Variants in SIAH3 observed in about 807,000 individuals in gnomAD.
SIAH3 encodes the protein seven in absentia homolog 3.
SIAH3 carries 9 observed loss-of-function variants against 12.6 expected under a neutral mutation model. The observed-to-expected ratio is 0.72, with a 90% CI of 0.43 to 1.25. SIAH3 has a LOEUF of 1.25. Ranked by LOEUF, SIAH3 falls within the 50% of genes most tolerant of loss-of-function variation. The probability of loss-of-function intolerance (pLI) is 0.00; values close to 1 mark genes in which losing one functional copy is unlikely to be tolerated. For missense variants in SIAH3, 390 were observed against 365.4 expected (o/e 1.07, Z -0.55); for synonymous variants, 154 against 151.1 (o/e 1.02, Z -0.14).
At chr13:45,788,859 C>T (rs1950536187) in intron 1 of SIAH3, among the ~76,000 whole-genome samples, 1 of 152,214 alleles carries the variant, frequency 6.6e-6, no homozygotes, top group African/African-American at 2.4e-5. Context: ...CTCATGCCCT[C>T]ATTTGTGAAT....
chr13:45,800,099 T>C (rs1157638928), intron 1 of SIAH3, among the ~76,000 whole-genome samples: 1 of 152,214 alleles, frequency 6.6e-6, no homozygotes, highest in Non-Finnish European at 1.5e-5. Context: ...CTGCATAGTA[T>C]AAAGAAAAGA....
At position 45,851,663 on chromosome 13, in the gene SIAH3, C is replaced by G. The variant is rs1305347896; in HGVS notation, c.-34G>C. 6.2e-7 allele frequency: 1 copy of G among 1,613,580 alleles called. No homozygotes were observed. Among genetic ancestry groups the G allele is most frequent in the Admixed American group, 1.7e-5 (1 of 60,024 alleles). On this transcript the variant is annotated 5_prime_UTR_variant, in exon 1 of 2. Transcript: ENST00000400405. Reference sequence around the variant, plus strand: ...TTGGGGGGTTGTTGGTCCGGGAAGGCAGCGGAGGAAGCTGTGAGTCCTTGG... The same window carrying G: ...TTGGGGGGTTGTTGGTCCGGGAAGGGAGCGGAGGAAGCTGTGAGTCCTTGG...
At chr13:45,801,327 G>T (rs765800682) in intron 1 of SIAH3, among the ~76,000 whole-genome samples, 8 of 152,160 alleles carry the variant, frequency 5.3e-5, no homozygotes, top group Non-Finnish European at 7.3e-5. Context: ...GATGAGAGGT[G>T]AGCACTCCTG....
chr13:45,783,550 C>T lies in SIAH3; in HGVS notation c.643G>A (p.Glu215Lys). 1.2e-6 allele frequency: 2 copies of T among 1,614,214 alleles called. No individual in the cohort carries two copies. Among genetic ancestry groups the T allele is most frequent in the Non-Finnish European group, 1.7e-6 (2 of 1,180,040 alleles). Reference protein sequence around the residue: ...LNRNHRRLKWEATPRSVLECV... With the variant: ...LNRNHRRLKWKATPRSVLECV... ...TCAAGAACAGACCGGGGCGTGGCCT[C>T]CCACTTGAGGCGCCGATGGTTTCTG... The change falls in exon 2 of 2, where the codon GAG (glutamate) becomes AAG (lysine). Residue 215 changes from glutamate to lysine, a missense_variant. Glu to Lys is a moderately conservative substitution (Grantham distance 56). Transcript: ENST00000400405.
chr13:45,841,446 T>C (rs1303152432), intron 1 of SIAH3, among the ~76,000 whole-genome samples: 1 of 152,190 alleles, frequency 6.6e-6, no homozygotes, highest in African/African-American at 2.4e-5. Flanking sequence ...CCGTTTCCTT[T>C]CTCAGGCTAC....
At chr13:45,784,179 C>T in intron 1 of SIAH3, 122 bp from the exon 2 acceptor site, 2 of 934,620 alleles carry the variant, frequency 2.1e-6, no homozygotes, top group Non-Finnish European at 3.2e-6. Flanking sequence ...AGGTTCATTT[C>T]TTAAACAACA....
chr13:45,843,032 C>CTGTGTGTGTGTGTGAGTGTGTGTG (rs746384493), intron 1 of SIAH3, among the ~76,000 whole-genome samples: 1 of 126,902 alleles, frequency 7.9e-6, no homozygotes, highest in Non-Finnish European at 1.6e-5. Context: ...CTCTCTCTCT[C>CTGTGTGTGTGTGTGAGTGTGTGTG]TCTGTGTGTG....
intron 1 of SIAH3, 86 bp from the exon 2 acceptor site, chr13:45,784,143 G>T: frequency 7.9e-7 from 1 of 1,265,982 alleles, no homozygotes; most frequent in Non-Finnish European, 1.1e-6. Context: ...GTGTTAAAAA[G>T]CAGATCCTCC....
chr13:45,814,238 C>CAAAA (rs56377017), intron 1 of SIAH3, among the ~76,000 whole-genome samples: 963 of 72,676 alleles, frequency 0.013, 51 homozygotes, highest in African/African-American at 0.057. Flanking sequence ...GACTCTGTCT[C>CAAAA]AAAAAAAAAA....
intron 1 of SIAH3, among the ~76,000 whole-genome samples, chr13:45,796,425 A>G (rs1428852746): frequency 6.6e-6 from 1 of 152,044 alleles, no homozygotes; most frequent in East Asian, 1.9e-4. Flanking sequence ...TGGTTGCATC[A>G]GGTTGCCTGC....
At position 45,778,431 on chromosome 13, in the gene SIAH3, A is replaced by G. The variant is rs555544661; in HGVS notation, c.*4952T>C. The G allele has an allele frequency of 6.6e-6, 1 of 152,228 alleles. No homozygotes were observed. The highest frequency in any genetic ancestry group is 1.5e-5 in the Non-Finnish European group (1 of 68,044). 9.4% of individuals were successfully genotyped at this position (152,228 alleles called of 1,614,324 possible). A position where few individuals can be genotyped will look rare whatever the true frequency, so the allele number is the denominator to read the frequency against. ...AAATAGAACTTTCCACACTAACAGC[A>G]ATAGGGAAGTGTCCGGGGAGAAAGC... On this transcript the variant is annotated 3_prime_UTR_variant, in exon 2 of 2. Coordinates refer to ENST00000400405, the MANE Select transcript of SIAH3 (RefSeq NM_198849.3).
chr13:45,788,425 G>T (rs1950534954), intron 1 of SIAH3, among the ~76,000 whole-genome samples: 1 of 152,186 alleles, frequency 6.6e-6, no homozygotes, highest in Non-Finnish European at 1.5e-5. Flanking sequence ...GTCAGTGGAT[G>T]CCTTCCTTCC....
At chr13:45,813,666 C>T (rs141047888) in intron 1 of SIAH3, among the ~76,000 whole-genome samples, 39 of 152,268 alleles carry the variant, frequency 2.6e-4, no homozygotes, top group Non-Finnish European at 4.3e-4. Context: ...GTTCTGGAGG[C>T]GAGGAAGTCC....
intron 1 of SIAH3, among the ~76,000 whole-genome samples, chr13:45,843,707 C>G (rs983765963): frequency 1.3e-5 from 2 of 152,120 alleles, no homozygotes; most frequent in Admixed American, 1.3e-4. Context: ...TCTTCAAGGC[C>G]AAAGATAACT....
rs1046697484 is a variant in SIAH3 at position 45,778,169 on chromosome 13, A to T, written c.*5214T>A. ...TCCCACTTTTGTGATAATGCATCTTATGTGGTGTTTGACACCACTGCTTGC... is the reference window on the plus strand; with the variant it reads ...TCCCACTTTTGTGATAATGCATCTTTTGTGGTGTTTGACACCACTGCTTGC... On this transcript the variant is annotated 3_prime_UTR_variant, in exon 2 of 2. Coordinates refer to ENST00000400405, the MANE Select transcript of SIAH3 (RefSeq NM_198849.3). The T allele has an allele frequency of 2.6e-5, 4 of 152,204 alleles. No homozygotes were observed. The highest frequency in any genetic ancestry group is 4.4e-5 in the Non-Finnish European group (3 of 68,044). The allele number at this position is 152,204 out of a possible 1,614,324, so 9.4% of individuals were successfully genotyped here.
chr13:45,850,483 T>G (rs1887165), intron 1 of SIAH3, among the ~76,000 whole-genome samples: 65,381 of 151,798 alleles, frequency 0.43, 15,008 homozygotes, highest in African/African-American at 0.57. Context: ...TACACAGGAG[T>G]ACAGGAAAGG....
At position 45,780,244 on chromosome 13, in the gene SIAH3, C is replaced by T. The variant is rs1346070212; in HGVS notation, c.*3139G>A. The T allele has an allele frequency of 6.8e-6, 1 of 147,500 alleles. No homozygotes were observed. The highest frequency in any genetic ancestry group is 1.5e-5 in the Non-Finnish European group (1 of 67,394). 9.1% of individuals were successfully genotyped at this position (147,500 alleles called of 1,614,324 possible). On this transcript the variant is annotated 3_prime_UTR_variant, in exon 2 of 2. Coordinates refer to ENST00000400405, the MANE Select transcript of SIAH3 (RefSeq NM_198849.3). Reference sequence around the variant, plus strand: ...ATCTGCAGCCCACCCACTTCCTGGGCCCCCTGCTTCCAGGTGGACTAGTGC... The same window carrying T: ...ATCTGCAGCCCACCCACTTCCTGGGTCCCCTGCTTCCAGGTGGACTAGTGC...
rs780788402 is a variant in SIAH3, at chr13:45,783,756, G to A, written c.437C>T (p.Thr146Met). Residue 146 changes from threonine (T) to methionine (M), a missense_variant, in exon 2 of 2, where the codon ACG becomes ATG. By Grantham distance (81) the Thr-to-Met change is moderately conservative. Coordinates refer to ENST00000400405, the MANE Select transcript of SIAH3 (RefSeq NM_198849.3). The part of the protein sequence containing the change: ...LQGAEIVFLA[T>M]DMHLPAPADW... Reference sequence around the variant, plus strand: ...AGCCGGCGCGGGGAGGTGCATGTCCGTGGCCAGGAAGACGATCTCGGCTCC... The same window carrying A: ...AGCCGGCGCGGGGAGGTGCATGTCCATGGCCAGGAAGACGATCTCGGCTCC... The A allele has an allele frequency of 5.0e-6, 8 of 1,614,084 alleles. No homozygotes were observed. In the East Asian group the frequency reaches 1.3e-4, roughly 27 times the overall value.
intron 1 of SIAH3, among the ~76,000 whole-genome samples, chr13:45,819,927 C>A (rs115573691): frequency 0.013 from 1,907 of 152,262 alleles, 40 homozygotes; most frequent in African/African-American, 0.044. Flanking sequence ...GGGAAGTCAG[C>A]GGGTTCAGTC....
Sources: allele counts gnomAD v4.1 joint callset (sites outside exome capture counted in the v4.1 genomes callset), GRCh38; gene constraint gnomAD v4.1.1; transcripts MANE v1.5; gene names NCBI Gene and HGNC (gene_info 2026-07-23, HGNC 2026-07-21).